FHIT: variants seen among roughly 807,000 people sequenced by gnomAD.
The protein encoded by FHIT is bis(5'-adenosyl)-triphosphatase.
FHIT carries 19 observed loss-of-function variants against 17.9 expected under a neutral mutation model. That is an observed-to-expected ratio of 1.06 (90% confidence interval 0.74 to 1.56). The LOEUF is 1.56. Among genes scored for constraint, FHIT ranks in the 40% most tolerant of loss-of-function variants. The pLI, the probability that FHIT is intolerant of heterozygous loss-of-function variation, is 0.00. For missense variants in FHIT, 248 were observed against 189.2 expected (o/e 1.31, Z -1.82); for synonymous variants, 81 against 69.7 (o/e 1.16, Z -0.81).
At chr3:59,909,521 G>T (rs1050283315) in intron 8 of FHIT, among the ~76,000 whole-genome samples, 1 of 152,086 alleles carries the variant, frequency 6.6e-6, no homozygotes. Context: ...GTAGAGACGG[G>T]GTTTCACCAC....
chr3:60,059,962 T>C (rs1702233926), intron 5 of FHIT, among the ~76,000 whole-genome samples: 1 of 152,214 alleles, frequency 6.6e-6, no homozygotes, highest in Middle Eastern at 3.2e-3. Context: ...TTATAAGCAT[T>C]AACCGTGCTC....
chr3:60,692,864 T>G (rs1265796725), intron 4 of FHIT, among the ~76,000 whole-genome samples: 1 of 152,214 alleles, frequency 6.6e-6, no homozygotes, highest in Non-Finnish European at 1.5e-5. Flanking sequence ...ACAAAAGTAC[T>G]TACATGCATA....
At chr3:59,886,048 T>C (rs1452365711) in intron 8 of FHIT, among the ~76,000 whole-genome samples, 1 of 152,228 alleles carries the variant, frequency 6.6e-6, no homozygotes, top group Non-Finnish European at 1.5e-5. Context: ...AGCTCTGATA[T>C]GCAGAATCTA....
In FHIT at chr3:59,971,269, T is replaced by G. The variant is rs186458872; in HGVS notation, c.279+40102A>C. Among the ~76,000 whole-genome samples, 7 of 152,252 alleles carry G rather than the reference T, an allele frequency of 4.6e-5. No homozygotes were observed. In the East Asian group the frequency reaches 1.4e-3, roughly 29 times the overall value. Reference sequence around the variant, plus strand: ...ATTACAGGGAATACGAAATCTTTGATTAGCAGGTGCTTTGATAGCTGCAAG... The same window carrying G: ...ATTACAGGGAATACGAAATCTTTGAGTAGCAGGTGCTTTGATAGCTGCAAG... On this transcript the variant is annotated intron_variant, in intron 7 of 9. Coordinates refer to ENST00000492590, the MANE Select transcript of FHIT (RefSeq NM_002012.4).
intron 5 of FHIT, among the ~76,000 whole-genome samples, chr3:60,167,813 T>C (rs1701243573): frequency 6.6e-6 from 1 of 152,132 alleles, no homozygotes; most frequent in Non-Finnish European, 1.5e-5. Flanking sequence ...GGCAGATCAG[T>C]TGAGCTCAGG....
At chr3:59,772,643 G>A (rs1396116318) in intron 8 of FHIT, among the ~76,000 whole-genome samples, 2 of 152,144 alleles carry the variant, frequency 1.3e-5, no homozygotes, top group Admixed American at 1.3e-4. Context: ...CTTCAGGAGA[G>A]GCAATGCCAC....
intron 5 of FHIT, among the ~76,000 whole-genome samples, chr3:60,296,812 T>C (rs1419364282): frequency 1.3e-5 from 2 of 152,020 alleles, no homozygotes; most frequent in African/African-American, 4.8e-5. Context: ...ATGAGACATT[T>C]TGAATGAATT....
At chr3:60,020,606 T>C (rs1700519743) in intron 5 of FHIT, among the ~76,000 whole-genome samples, 1 of 152,194 alleles carries the variant, frequency 6.6e-6, no homozygotes, top group African/African-American at 2.4e-5. Context: ...TGCAGATCTG[T>C]GTGTAGTTTA....
intron 5 of FHIT, among the ~76,000 whole-genome samples, chr3:60,385,215 A>C (rs9814473): frequency 0.29 from 44,667 of 152,058 alleles, 6,681 homozygotes; most frequent in East Asian, 0.47. Flanking sequence ...AAAAAATACA[A>C]GGCAGCAGTA....
At chr3:60,154,000 A>T (rs79739695) in intron 5 of FHIT, among the ~76,000 whole-genome samples, 3,396 of 152,342 alleles carry the variant, frequency 0.022, 119 homozygotes, top group African/African-American at 0.072. Flanking sequence ...CTATAAGTGT[A>T]ATACTCTAAA....
intron 5 of FHIT, among the ~76,000 whole-genome samples, chr3:60,391,296 T>G (rs541430536): frequency 6.6e-6 from 1 of 152,304 alleles, no homozygotes; most frequent in African/African-American, 2.4e-5. Context: ...TTATTTTTGT[T>G]TATTTATTTT....
intron 5 of FHIT, among the ~76,000 whole-genome samples, chr3:60,400,145 C>G (rs1423135014): frequency 6.6e-6 from 1 of 152,002 alleles, no homozygotes; most frequent in African/African-American, 2.4e-5. Flanking sequence ...AAGAGCCAAG[C>G]CTAGAGCAGA....
In FHIT at chr3:60,757,522, C is replaced by T. The variant is rs1030139596; in HGVS notation, c.-18+64397G>A. On this transcript the variant is annotated intron_variant, in intron 4 of 9. Transcript: ENST00000492590. ...TTGTGTCTAAATGAGTCAAGCATGT[C>T]GAGGGTTGAAGAAAGGGTGCTGCAG... is the stretch of plus-strand genomic sequence containing the variant. Among the ~76,000 whole-genome samples the T allele has an allele frequency of 3.9e-5, 6 of 152,212 alleles. No homozygotes were observed. The East Asian group carries it at 9.7e-4, about 25-fold the overall frequency.
chr3:59,806,934 T>C (rs560426014), intron 8 of FHIT, among the ~76,000 whole-genome samples: 1 of 152,164 alleles, frequency 6.6e-6, no homozygotes, highest in East Asian at 1.9e-4. Context: ...AATTATTTAG[T>C]CTCAGCTCAG....
chr3:61,116,044 C>T (rs755492719), intron 2 of FHIT, among the ~76,000 whole-genome samples: 8 of 152,092 alleles, frequency 5.3e-5, no homozygotes, highest in African/African-American at 1.9e-4. Context: ...ATAAAAGGGA[C>T]GGCTGAGGAA....
chr3:59,834,537 C>A (rs1701274485), intron 8 of FHIT, among the ~76,000 whole-genome samples: 1 of 152,148 alleles, frequency 6.6e-6, no homozygotes, highest in African/African-American at 2.4e-5. Flanking sequence ...AATCCAAGAT[C>A]AGAGTGCTAG....
chr3:60,558,016 G>A (rs1036461599), intron 4 of FHIT, among the ~76,000 whole-genome samples: 25 of 152,008 alleles, frequency 1.6e-4, no homozygotes, highest in African/African-American at 6.0e-4. Flanking sequence ...GCTTCTCTTG[G>A]AAAATTTTGA....
At chr3:61,188,316 A>T (rs536265236) in intron 2 of FHIT, among the ~76,000 whole-genome samples, 187 of 152,366 alleles carry the variant, frequency 1.2e-3, no homozygotes, top group African/African-American at 4.4e-3. Flanking sequence ...CTATGCAAAT[A>T]AACTAGAAAA....
intron 5 of FHIT, among the ~76,000 whole-genome samples, chr3:60,126,020 C>T (rs544844197): frequency 1.3e-5 from 2 of 152,222 alleles, no homozygotes; most frequent in East Asian, 3.9e-4. Context: ...CACTGACAGG[C>T]CCCTTGGTGT....
Sources: allele counts gnomAD v4.1 joint callset (sites outside exome capture counted in the v4.1 genomes callset), GRCh38; gene constraint gnomAD v4.1.1; transcripts MANE v1.5; gene names NCBI Gene and HGNC (gene_info 2026-07-23, HGNC 2026-07-21).